Variants in PLG observed in about 807,000 individuals in gnomAD.
The protein encoded by PLG is plasmin.
PLG carries 41 observed loss-of-function variants against 104.4 expected under a neutral mutation model. The observed-to-expected ratio is 0.39, with a 90% CI of 0.31 to 0.51. The LOEUF (loss-of-function observed/expected upper bound fraction) is 0.51, where lower values mean the gene tolerates loss of function less well. Among genes scored for constraint, PLG ranks in the 20% least tolerant of loss-of-function variants. PLG has a pLI of 0.76. For synonymous variants in PLG, 337 were observed against 357.1 expected (o/e 0.94, Z 0.63); for missense variants, 891 against 1,003.6 (o/e 0.89, Z 1.52).
chr6:160,722,754 G>A lies in PLG; in HGVS notation c.1256+187G>A, dbSNP rs73017951. On this transcript the variant is annotated intron_variant, in intron 10 of 18. Transcript: ENST00000308192. ...CTGCGAGAAGAGAAATTTTAGGCTG[G>A]CTATTTTTCCTGAGTAGTTTTATGG... Among the ~76,000 whole-genome samples the A allele has an allele frequency of 2.4e-3, 373 of 152,278 alleles. 3 individuals carry two copies. The highest frequency in any genetic ancestry group is 4.0e-3 in the Non-Finnish European group (270 of 68,018).
In PLG at chr6:160,753,194, G is replaced by A. The variant is rs1778438312; in HGVS notation, c.*133G>A. ...CAGCTACCAGCTACGCCAAACCTCG[G>A]CATTTTTTGTGTTATTTTCTGACTG... On this transcript the variant is annotated 3_prime_UTR_variant, in exon 19 of 19. Coordinates refer to ENST00000308192, the MANE Select transcript of PLG (RefSeq NM_000301.5). The surrounding 1 kb of genome is among the most constrained non-coding windows in gnomAD (Gnocchi z 5.4). 1 of 641,746 alleles carries A rather than the reference G, an allele frequency of 1.6e-6. No homozygotes were observed. Among genetic ancestry groups the A allele is most frequent in the East Asian group, 2.8e-5 (1 of 36,124 alleles). 39.8% of individuals were successfully genotyped at this position (641,746 alleles called of 1,614,324 possible).
Position 160,739,350 on chromosome 6 carries a change from C to T in PLG, c.2018+142C>T. The stretch of plus-strand genomic sequence containing the variant: ...GGCTCAAGGGCTTTGGGGACAGCAT[C>T]AATCTTCAACCCTAGCCCTGCCACA... On this transcript the variant is annotated intron_variant, in intron 16 of 18. Coordinates refer to ENST00000308192, the MANE Select transcript of PLG (RefSeq NM_000301.5). The surrounding 1 kb of genome is among the most constrained non-coding windows in gnomAD (Gnocchi z 4.4). 1 of 1,069,616 alleles carries T rather than the reference C, an allele frequency of 9.3e-7. No individual in the cohort carries two copies. Among genetic ancestry groups the T allele is most frequent in the African/African-American group, 1.6e-5 (1 of 64,238 alleles). 66.3% of individuals were successfully genotyped at this position (1,069,616 alleles called of 1,614,324 possible). A position where few individuals can be genotyped will look rare whatever the true frequency, so the allele number is the denominator to read the frequency against.
chr6:160,722,996 T>C (rs1777861351), intron 10 of PLG, among the ~76,000 whole-genome samples: 1 of 150,778 alleles, frequency 6.6e-6, no homozygotes, highest in African/African-American at 2.5e-5. Flanking sequence ...ACTTTATATA[T>C]ATAAGTATGA....
At position 160,737,455 on chromosome 6, in the gene PLG, T is replaced by C. The variant is rs1475685653; in HGVS notation, c.1802+448T>C. On this transcript the variant is annotated intron_variant, in intron 14 of 18. Coordinates refer to ENST00000308192, the MANE Select transcript of PLG (RefSeq NM_000301.5). The surrounding 1 kb of genome is among the most constrained non-coding windows in gnomAD (Gnocchi z 4.7). ...ACAGATTCTTTTTCTTTGGACACTT[T>C]CGTGAATCATTGAATTCAATGCAGA... Among the ~76,000 whole-genome samples the C allele has an allele frequency of 6.6e-6, 1 of 152,218 alleles. No individual in the cohort carries two copies. Among genetic ancestry groups the C allele is most frequent in the African/African-American group, 2.4e-5 (1 of 41,460 alleles).
At chr6:160,707,618 T>C in intron 2 of PLG, 82 bp from the exon 3 acceptor site, 1 of 1,371,098 alleles carries the variant, frequency 7.3e-7, no homozygotes, top group Non-Finnish European at 1.0e-6. Context: ...CAATGATCTT[T>C]AGCATGTCTC....
chr6:160,747,962 C>T (rs1419287174), intron 17 of PLG, among the ~76,000 whole-genome samples: 2 of 152,134 alleles, frequency 1.3e-5, no homozygotes, highest in Non-Finnish European at 2.9e-5. Context: ...ACAGACTAAC[C>T]TGAATTAGAA....
rs1421507083 is a variant in PLG, at chr6:160,737,541, G to A, written c.1802+534G>A. Among the ~76,000 whole-genome samples the A allele has an allele frequency of 6.6e-6, 1 of 152,168 alleles. No individual in the cohort carries two copies. Among genetic ancestry groups the A allele is most frequent in the Non-Finnish European group, 1.5e-5 (1 of 68,024 alleles). ...GTCATGATCCCCATAAATGAAGAGT[G>A]ATCAGTCCAATCCCAGGGAACCTGG... On this transcript the variant is annotated intron_variant, in intron 14 of 18. Transcript: ENST00000308192. The surrounding 1 kb of genome is among the most constrained non-coding windows in gnomAD (Gnocchi z 4.7).
rs1778134287 is a variant in PLG, at chr6:160,738,751, T to C, written c.1877+139T>C. ...GACACTAGGGACCAGGCCAGGGCAA[T>C]TGGATAAGAGAGAAGGGAAGGGTTT... On this transcript the variant is annotated intron_variant, in intron 15 of 18. Transcript: ENST00000308192. This position sits in a 1 kb window ranked among gnomAD's most constrained non-coding sequence, Gnocchi z 6.8. 1.1e-5 allele frequency: 8 copies of C among 736,802 alleles called. No homozygotes were observed. In the East Asian group the frequency reaches 1.5e-4, roughly 14 times the overall value. The allele number at this position is 736,802 out of a possible 1,614,324, so 45.6% of individuals were successfully genotyped here. A position where few individuals can be genotyped will look rare whatever the true frequency, so the allele number is the denominator to read the frequency against.
chr6:160,703,268 T>TAAAA (rs34053173), intron 1 of PLG, among the ~76,000 whole-genome samples: 494 of 147,026 alleles, frequency 3.4e-3, no homozygotes, highest in Non-Finnish European at 5.0e-3. Context: ...TCTTTTTCTT[T>TAAAA]AAAAAAAAAA....
chr6:160,727,838 A>C (rs1259522098), intron 10 of PLG, among the ~76,000 whole-genome samples: 1 of 152,028 alleles, frequency 6.6e-6, no homozygotes, highest in Non-Finnish European at 1.5e-5. Flanking sequence ...ATGGTGAAAG[A>C]TTAATGTTTT....
chr6:160,707,590 C>G (rs1777553073), intron 2 of PLG, 110 bp from the exon 3 acceptor site: 2 of 1,170,968 alleles, frequency 1.7e-6, no homozygotes, highest in East Asian at 2.4e-5. Context: ...TCTGAGCTCT[C>G]TGGTCCCTCA....
At chr6:160,728,096 A>C (rs559664548) in intron 10 of PLG, among the ~76,000 whole-genome samples, 1 of 152,134 alleles carries the variant, frequency 6.6e-6, no homozygotes, top group African/African-American at 2.4e-5. Flanking sequence ...GCAAGATTGG[A>C]GAACACATAA....
rs1316147778 is a variant in PLG, at chr6:160,724,877, C to T, written c.1256+2310C>T. Among the ~76,000 whole-genome samples, 6 of 151,956 alleles carry T rather than the reference C, an allele frequency of 3.9e-5. No individual in the cohort carries two copies. On this transcript the variant is annotated intron_variant, in intron 10 of 18. Transcript: ENST00000308192. The surrounding 1 kb of genome is among the most constrained non-coding windows in gnomAD (Gnocchi z 5.0). ...CTATTTTGGTAGAAGAAAAATAGTG[C>T]CAGATGGGAACTTTATACTAAGTAA... is the stretch of plus-strand genomic sequence containing the variant.
In PLG at chr6:160,731,162, A is replaced by G. The variant is rs771989121; in HGVS notation, c.1368A>G (p.Gly456=). 1 of 1,614,098 alleles carries G rather than the reference A, an allele frequency of 6.2e-7. No individual in the cohort carries two copies. The highest frequency in any genetic ancestry group is 1.1e-5 in the South Asian group (1 of 91,086). The change falls in exon 11 of 19, where the codon GGA becomes GGG. Residue 456 remains glycine (G), a synonymous_variant. Coordinates refer to ENST00000308192, the MANE Select transcript of PLG (RefSeq NM_000301.5). The surrounding 1 kb of genome is among the most constrained non-coding windows in gnomAD (Gnocchi z 5.1). Reference sequence around the variant, plus strand: ...ACTGCAACCTGAAAAAATGCTCAGGAACAGAAGCGAGTGTTGTAGCACCTC... The same window carrying G: ...ACTGCAACCTGAAAAAATGCTCAGGGACAGAAGCGAGTGTTGTAGCACCTC... ...WEYCNLKKCS[G]TEASVVAPPP... is the part of the protein sequence containing the mutation.
intron 1 of PLG, among the ~76,000 whole-genome samples, chr6:160,703,945 T>A (rs1226818393): frequency 6.6e-6 from 1 of 152,244 alleles, no homozygotes; most frequent in Admixed American, 6.5e-5. Flanking sequence ...GAGGGAAAAG[T>A]TTCTTTTACA....
rs370458866 is a variant in PLG, at chr6:160,739,238, C to T, written c.2018+30C>T. 23 of 1,613,694 alleles carry T rather than the reference C, an allele frequency of 1.4e-5. No individual in the cohort carries two copies. In the South Asian group the frequency reaches 1.4e-4, roughly 10 times the overall value. ...TCGTTCACCTGTGGTCTTCACCCCA[C>T]GCTGGTGAAGATATTTGCTTTATGT... On this transcript the variant is annotated intron_variant, in intron 16 of 18. Transcript: ENST00000308192. This position sits in a 1 kb window ranked among gnomAD's most constrained non-coding sequence, Gnocchi z 4.4.
chr6:160,713,765 C>T (rs557474198), intron 5 of PLG, among the ~76,000 whole-genome samples: 1 of 152,278 alleles, frequency 6.6e-6, no homozygotes, highest in East Asian at 1.9e-4. Context: ...ATGTGGTAGA[C>T]TTTGCTGTTT....
At position 160,731,465 on chromosome 6, in the gene PLG, A is replaced by C. The variant is rs1439594971; in HGVS notation, c.1438+233A>C. On this transcript the variant is annotated intron_variant, in intron 11 of 18. Coordinates refer to ENST00000308192, the MANE Select transcript of PLG (RefSeq NM_000301.5). The surrounding 1 kb of genome is among the most constrained non-coding windows in gnomAD (Gnocchi z 5.1). ...CAGGTGCAAACCCTCCAAGGTGCTC[A>C]ACTTAACCACTCACCTTGTTCTAAA... Among the ~76,000 whole-genome samples the C allele has an allele frequency of 6.6e-6, 1 of 152,188 alleles. No individual in the cohort carries two copies. The highest frequency in any genetic ancestry group is 6.5e-5 in the Admixed American group (1 of 15,276).
rs886161399 is a variant in PLG at position 160,740,055 on chromosome 6, G to A, written c.2018+847G>A. Among the ~76,000 whole-genome samples, 5 of 152,178 alleles carry A rather than the reference G, an allele frequency of 3.3e-5. No individual in the cohort carries two copies. Among genetic ancestry groups the A allele is most frequent in the Admixed American group, 6.5e-5 (1 of 15,280 alleles). The stretch of plus-strand genomic sequence containing the variant: ...AGGTGACAAGGCACGCAGGGCGCTC[G>A]CTGTGCTGGTGGTTCTGGAAGACAG... On this transcript the variant is annotated intron_variant, in intron 16 of 18. Coordinates refer to ENST00000308192, the MANE Select transcript of PLG (RefSeq NM_000301.5). The surrounding 1 kb of genome is among the most constrained non-coding windows in gnomAD (Gnocchi z 5.2).
Sources: allele counts gnomAD v4.1 joint callset (sites outside exome capture counted in the v4.1 genomes callset), GRCh38; gene constraint gnomAD v4.1.1; non-coding constraint Gnocchi (gnomAD v3.1); transcripts MANE v1.5; gene names NCBI Gene and HGNC (gene_info 2026-07-23, HGNC 2026-07-21).